Variants in KRAS observed in about 807,000 individuals in gnomAD.
KRAS encodes the protein GTPase KRas.
KRAS carries 1 observed loss-of-function variant against 21.0 expected under a neutral mutation model. The ratio of observed to expected loss-of-function variants is 0.05; its 90% confidence interval spans 0.02 to 0.23. The LOEUF (loss-of-function observed/expected upper bound fraction) is 0.23, where lower values mean the gene tolerates loss of function less well. Ranked by LOEUF, KRAS falls within the 10% of genes least tolerant of loss-of-function variation. KRAS has a pLI of 1.00. For synonymous variants in KRAS, 67 were observed against 72.5 expected, an observed-to-expected ratio of 0.92 and a Z score of 0.39; for missense variants, 107 against 221.8, an observed-to-expected ratio of 0.48 and a Z score of 3.29.
At chr12:25,229,278 A>C (rs753773196) in intron 2 of KRAS, among the ~76,000 whole-genome samples, 8 of 152,206 alleles carry the variant, frequency 5.3e-5, no homozygotes, top group Non-Finnish European at 1.2e-4. Flanking sequence ...GACAAGAAAA[A>C]TCAATCAACT....
intron 2 of KRAS, among the ~76,000 whole-genome samples, chr12:25,239,830 G>A (rs1188926117): frequency 1.3e-5 from 2 of 152,180 alleles, no homozygotes; most frequent in East Asian, 1.9e-4. Context: ...GTGCATGCCT[G>A]TAATACCAGC....
In KRAS at chr12:25,250,717, G is replaced by A. The variant is rs531851926; in HGVS notation, c.-12+34C>T. The A allele has an allele frequency of 6.5e-3, 1,195 of 184,462 alleles. 5 individuals are homozygous for A. Among genetic ancestry groups the A allele is most frequent in the Non-Finnish European group, 0.011 (922 of 86,772 alleles). The allele number at this position is 184,462 out of a possible 1,614,324, so 11.4% of individuals were successfully genotyped here. A position where few individuals can be genotyped will look rare whatever the true frequency, so the allele number is the denominator to read the frequency against. Reference sequence around the variant, plus strand: ...CGCCGGCAAAGAGGGTCGGGACCCGGGCAGGGGCCCAGGAGGGGTGGTCCG... The same window carrying A: ...CGCCGGCAAAGAGGGTCGGGACCCGAGCAGGGGCCCAGGAGGGGTGGTCCG... On this transcript the variant is annotated intron_variant, in intron 1 of 4. Coordinates refer to ENST00000311936, the MANE Select transcript of KRAS (RefSeq NM_004985.5).
chr12:25,250,271 C>A (rs1308011636), intron 1 of KRAS, among the ~76,000 whole-genome samples: 1 of 152,104 alleles, frequency 6.6e-6, no homozygotes, highest in Non-Finnish European at 1.5e-5. Context: ...CCTAGAGATG[C>A]CAAATGCAGC....
intron 2 of KRAS, 66 bp from the exon 3 acceptor site, chr12:25,227,478 T>C (rs1951408762): frequency 1.4e-6 from 2 of 1,447,206 alleles, no homozygotes; most frequent in Non-Finnish European, 9.6e-7. Flanking sequence ...AGGTGTTATA[T>C]ACAACTCAAC....
intron 1 of KRAS, among the ~76,000 whole-genome samples, chr12:25,246,237 C>G (rs964369242): frequency 6.6e-6 from 1 of 151,504 alleles, no homozygotes; most frequent in African/African-American, 2.4e-5. Context: ...AATACATAAT[C>G]CTGTATCACC....
At chr12:25,223,800 G>A (rs1245973669) in intron 4 of KRAS, among the ~76,000 whole-genome samples, 1 of 152,006 alleles carries the variant, frequency 6.6e-6, no homozygotes, top group Non-Finnish European at 1.5e-5. Flanking sequence ...TGTAAAAGTT[G>A]TTCAGCAATT....
At position 25,242,640 on chromosome 12, in the gene KRAS, A is replaced by AT. The variant is rs753672100; in HGVS notation, c.111+2633dup. ...TCCATCTATGTGTCATACCTGAATG[A>AT]TTTTACATCATACCTCTGCCACTAA... is the stretch of plus-strand genomic sequence containing the variant. On this transcript the variant is annotated intron_variant, in intron 2 of 4. Transcript: ENST00000311936. Among the ~76,000 whole-genome samples the AT allele has an allele frequency of 1.4e-4, 21 of 152,296 alleles. No individual in the cohort carries two copies. The East Asian group carries it at 3.3e-3, about 24-fold the overall frequency.
intron 1 of KRAS, among the ~76,000 whole-genome samples, chr12:25,248,594 G>A (rs1248719127): frequency 6.8e-6 from 1 of 146,242 alleles, no homozygotes; most frequent in Non-Finnish European, 1.5e-5. Flanking sequence ...TGTTTATGCG[G>A]TGGTTGTTTC....
chr12:25,243,677 T>G (rs1951639529), intron 2 of KRAS, among the ~76,000 whole-genome samples: 2 of 152,192 alleles, frequency 1.3e-5, no homozygotes, highest in South Asian at 4.1e-4. Context: ...TAAAATCACC[T>G]TCCAAAATCC....
chr12:25,227,764 G>A (rs1951411433), intron 2 of KRAS, among the ~76,000 whole-genome samples: 1 of 152,158 alleles, frequency 6.6e-6, no homozygotes, highest in Non-Finnish European at 1.5e-5. Flanking sequence ...AATGTAAAAT[G>A]GTGATGCCAT....
At chr12:25,228,857 A>G (rs1179213942) in intron 2 of KRAS, among the ~76,000 whole-genome samples, 1 of 152,136 alleles carries the variant, frequency 6.6e-6, no homozygotes, top group Non-Finnish European at 1.5e-5. Context: ...TCAGGAGATC[A>G]AGAACATCCT....
chr12:25,209,313 C>A lies in KRAS; in HGVS notation c.*482G>T. ...GGATGACAAACTATAGGACATGATG[C>A]CTAGAAGAATCATCATCAGGAAGCC... is the stretch of plus-strand genomic sequence containing the variant. On this transcript the variant is annotated 3_prime_UTR_variant, in exon 5 of 5. Coordinates refer to ENST00000311936, the MANE Select transcript of KRAS (RefSeq NM_004985.5). The A allele has an allele frequency of 1.7e-6, 1 of 598,574 alleles. No homozygotes were observed. Among genetic ancestry groups the A allele is most frequent in the Non-Finnish European group, 2.9e-6 (1 of 339,644 alleles). The allele number at this position is 598,574 out of a possible 1,614,324, so 37.1% of individuals were successfully genotyped here.
chr12:25,244,580 A>G lies in KRAS; in HGVS notation c.111+694T>C, dbSNP rs538495055. Among the ~76,000 whole-genome samples, 10 of 152,268 alleles carry G rather than the reference A, an allele frequency of 6.6e-5. No homozygotes were observed. The East Asian group carries it at 1.9e-3, about 29-fold the overall frequency. On this transcript the variant is annotated intron_variant, in intron 2 of 4. Coordinates refer to ENST00000311936, the MANE Select transcript of KRAS (RefSeq NM_004985.5). ...GGTGTCTTACAGGTCTTTACTTATC[A>G]TTCTGCTGCTGGTCTTTACTTTGGT...
At chr12:25,231,040 G>A (rs1951461358) in intron 2 of KRAS, among the ~76,000 whole-genome samples, 1 of 149,414 alleles carries the variant, frequency 6.7e-6, no homozygotes, top group Non-Finnish European at 1.5e-5. Context: ...TGGCTACAGA[G>A]CATGTAAAGC....
At chr12:25,246,951 A>C (rs758294436) in intron 1 of KRAS, among the ~76,000 whole-genome samples, 3 of 152,092 alleles carry the variant, frequency 2.0e-5, no homozygotes, top group Admixed American at 2.0e-4. Flanking sequence ...ATATCTCAGT[A>C]ATCAGTAATC....
intron 4 of KRAS, among the ~76,000 whole-genome samples, chr12:25,219,130 G>A (rs1333942726): frequency 6.6e-6 from 1 of 151,898 alleles, no homozygotes; most frequent in Non-Finnish European, 1.5e-5. Context: ...GTAGAGGGGG[G>A]TTTCACCATA....
chr12:25,246,383 C>G (rs1018879324), intron 1 of KRAS, among the ~76,000 whole-genome samples: 14 of 152,014 alleles, frequency 9.2e-5, no homozygotes, highest in Non-Finnish European at 1.3e-4. Flanking sequence ...TATGGTGAAA[C>G]CCTCTCTCTA....
intron 4 of KRAS, among the ~76,000 whole-genome samples, chr12:25,220,179 C>T (rs1951303565): frequency 6.6e-6 from 1 of 152,184 alleles, no homozygotes; most frequent in South Asian, 2.1e-4. Context: ...CTTTTGCCAA[C>T]ATGGCCATGC....
chr12:25,232,163 A>C (rs1951481755), intron 2 of KRAS, among the ~76,000 whole-genome samples: 1 of 151,676 alleles, frequency 6.6e-6, no homozygotes, highest in Non-Finnish European at 1.5e-5. Flanking sequence ...TTGGAGGAAG[A>C]AAAAAAAATA....
Sources: gnomAD v4.1 joint callset for allele counts (sites outside exome capture counted in the v4.1 genomes callset) on GRCh38, gnomAD v4.1.1 for gene constraint, MANE v1.5 for transcripts, NCBI Gene and HGNC (gene_info 2026-07-23, HGNC 2026-07-21) for gene names.